The following RAI1 variants were observed in gnomAD, a reference collection of about 807,000 sequenced individuals.
RAI1 encodes retinoic acid-induced protein 1.
A neutral mutation model predicts 123.8 loss-of-function variants in RAI1; 9 were observed. That is an observed-to-expected ratio of 0.07 (90% CI 0.04 to 0.13). RAI1 has a LOEUF of 0.13. RAI1 is among the 10% of genes least tolerant of loss of function. The pLI is 1.00. For missense variants in RAI1, 2,256 were observed against 2,545.8 expected, an observed-to-expected ratio of 0.89 and a Z score of 2.45; for synonymous variants, 1,231 against 1,127.3, an observed-to-expected ratio of 1.09 and a Z score of -1.84.
At chr17:17,778,554 AC>A in intron 2 of RAI1, 1 of 361,294 alleles carries the variant, frequency 2.8e-6, no homozygotes, top group Non-Finnish European at 5.5e-6. Context: ...TCCAGAGCTG[AC>A]CCCGGCACCA....
At chr17:17,732,359 G>A (rs1472485809) in intron 2 of RAI1, among the ~76,000 whole-genome samples, 1 of 152,204 alleles carries the variant, frequency 6.6e-6, no homozygotes, top group Non-Finnish European at 1.5e-5. Flanking sequence ...TTGGAGCAGG[G>A]AAGACCCCTC....
intron 1 of RAI1, among the ~76,000 whole-genome samples, chr17:17,712,930 C>T (rs997439987): frequency 1.3e-5 from 2 of 151,000 alleles, no homozygotes; most frequent in Admixed American, 6.6e-5. Flanking sequence ...ACGAAATGCC[C>T]AGGACAGGCG....
intron 1 of RAI1, among the ~76,000 whole-genome samples, chr17:17,708,613 C>T (rs559022232): frequency 1.3e-5 from 2 of 152,208 alleles, no homozygotes; most frequent in South Asian, 4.1e-4. Context: ...TAGGGGTCCC[C>T]TGGGTTGCAT....
At chr17:17,776,662 T>C (rs1292474671) in intron 2 of RAI1, 1 of 53,598 alleles carries the variant, frequency 1.9e-5, no homozygotes, top group African/African-American at 4.0e-5. Context: ...GGCTCACTTT[T>C]TTTTTTTTTT....
chr17:17,789,131 T>C (rs555773777), intron 2 of RAI1, among the ~76,000 whole-genome samples: 47 of 152,336 alleles, frequency 3.1e-4, no homozygotes, highest in Non-Finnish European at 5.7e-4. Context: ...TCCAAGAGAC[T>C]GTTCCTCCAA....
chr17:17,732,138 C>T (rs757673785), intron 2 of RAI1, among the ~76,000 whole-genome samples: 3 of 152,114 alleles, frequency 2.0e-5, no homozygotes, highest in Non-Finnish European at 2.9e-5. Context: ...TTCCTGCCAT[C>T]CCCATTTTAC....
intron 1 of RAI1, among the ~76,000 whole-genome samples, chr17:17,710,338 C>T (rs775522011): frequency 2.6e-5 from 4 of 152,218 alleles, no homozygotes; most frequent in Non-Finnish European, 5.9e-5. Context: ...ATGGAGACCC[C>T]GGGGTACCCA....
At chr17:17,735,952 G>A (rs1916420210) in intron 2 of RAI1, among the ~76,000 whole-genome samples, 1 of 152,206 alleles carries the variant, frequency 6.6e-6, no homozygotes, top group Admixed American at 6.5e-5. Context: ...ATAGGGGACT[G>A]TGATTGTGTG....
intron 2 of RAI1, among the ~76,000 whole-genome samples, chr17:17,747,458 G>A (rs1175894451): frequency 1.3e-5 from 2 of 152,196 alleles, no homozygotes; most frequent in African/African-American, 4.8e-5. Context: ...CCTGGGCTGA[G>A]GTCAGGACCA....
chr17:17,701,334 G>T lies in RAI1; in HGVS notation c.-149+19541G>T, dbSNP rs1915217293. Among the ~76,000 whole-genome samples the T allele has an allele frequency of 1.3e-5, 2 of 152,168 alleles. 1 individual carries two copies. Among genetic ancestry groups the T allele is most frequent in the South Asian group, 4.1e-4 (2 of 4,822 alleles). Reference sequence around the variant, plus strand: ...CCTGAGCCTTCTGCCTAGGCAGGGGGCTGTGAGACTGATGGGAACCTCAGG... The same window carrying T: ...CCTGAGCCTTCTGCCTAGGCAGGGGTCTGTGAGACTGATGGGAACCTCAGG... On this transcript the variant is annotated intron_variant, in intron 1 of 5. Transcript: ENST00000353383.
chr17:17,735,383 C>T (rs1296140047), intron 2 of RAI1, among the ~76,000 whole-genome samples: 5 of 130,920 alleles, frequency 3.8e-5, no homozygotes, highest in Non-Finnish European at 3.2e-5. Flanking sequence ...GACGGGGTTT[C>T]ACTCTTGTTA....
At chr17:17,764,476 T>A (rs2142993205) in intron 2 of RAI1, among the ~76,000 whole-genome samples, 1 of 150,756 alleles carries the variant, frequency 6.6e-6, no homozygotes, top group South Asian at 2.1e-4. Flanking sequence ...TTTCCTCTTT[T>A]TTTTTTTTTT....
chr17:17,755,035 TG>T (rs1236750103), intron 2 of RAI1, among the ~76,000 whole-genome samples: 3 of 152,228 alleles, frequency 2.0e-5, no homozygotes, highest in Admixed American at 2.0e-4. Context: ...TAGCCATAGC[TG>T]TACCCCCACA....
At chr17:17,697,602 G>A (rs1465000452) in intron 1 of RAI1, among the ~76,000 whole-genome samples, 1 of 152,262 alleles carries the variant, frequency 6.6e-6, no homozygotes, top group Non-Finnish European at 1.5e-5. Context: ...TGGTCTGGGT[G>A]TTACCTGGGT....
rs1444757863 is a variant in RAI1, at chr17:17,800,184, C to CTCTCTGTCTCTCTCTG, written c.5565+1676_5565+1677insGTCTCTCTCTGTCTCT. 2.9e-4 allele frequency among the ~76,000 whole-genome samples: 12 copies of CTCTCTGTCTCTCTCTG among 41,106 alleles called. No homozygotes were observed. Among genetic ancestry groups the CTCTCTGTCTCTCTCTG allele is most frequent in the Admixed American group, 1.2e-3 (4 of 3,434 alleles). The allele number at this position is 41,106 out of a possible 152,430, so 27.0% of individuals were successfully genotyped here. On this transcript the variant is annotated intron_variant, in intron 3 of 5. Coordinates refer to ENST00000353383, the MANE Select transcript of RAI1 (RefSeq NM_030665.4). The surrounding 1 kb of genome is among the most constrained non-coding windows in gnomAD (Gnocchi z 4.7). Reference sequence around the variant, plus strand: ...TCCTGCTTTCTGTCTCTCTCTGTCTCTCTCTCTCTCTCTCTCTCTCTCTCT... The same window carrying CTCTCTGTCTCTCTCTG: ...TCCTGCTTTCTGTCTCTCTCTGTCTCTCTCTGTCTCTCTCTGTCTCTCTCTCTCTCTCTCTCTCTCT...
intron 1 of RAI1, among the ~76,000 whole-genome samples, chr17:17,716,248 G>T (rs887841720): frequency 1.3e-5 from 2 of 152,188 alleles, no homozygotes; most frequent in Admixed American, 6.5e-5. Flanking sequence ...CTTGTGGGGT[G>T]GTTAAGCCAC....
intron 1 of RAI1, among the ~76,000 whole-genome samples, chr17:17,711,784 A>G (rs1384218375): frequency 2.0e-5 from 3 of 152,244 alleles, no homozygotes; most frequent in African/African-American, 7.2e-5. Context: ...AGGCAGCAGC[A>G]TGAGGTGAGG....
intron 1 of RAI1, among the ~76,000 whole-genome samples, chr17:17,700,700 A>G (rs1490270398): frequency 6.6e-6 from 1 of 152,064 alleles, no homozygotes; most frequent in Non-Finnish European, 1.5e-5. Context: ...CCGAGGCCGC[A>G]GTCCGGCCCC....
chr17:17,745,441 T>G (rs1039972602), intron 2 of RAI1, among the ~76,000 whole-genome samples: 2 of 151,602 alleles, frequency 1.3e-5, no homozygotes, highest in Non-Finnish European at 2.9e-5. Context: ...TTGTTTTTGT[T>G]TTTGTTTTTT....
Sources: gnomAD v4.1 joint callset for allele counts (sites outside exome capture counted in the v4.1 genomes callset) on GRCh38, gnomAD v4.1.1 for gene constraint, Gnocchi (gnomAD v3.1) non-coding constraint, MANE v1.5 for transcripts, NCBI Gene and HGNC (gene_info 2026-07-23, HGNC 2026-07-21) for gene names.